Variants in C10orf90 observed in about 807,000 individuals in gnomAD.
The protein encoded by C10orf90 is chromosome 10 open reading frame 90, also known as (E2-independent) E3 ubiquitin-conjugating enzyme FATS.
C10orf90 carries 56 observed loss-of-function variants against 62.5 expected under a neutral mutation model. That is an observed-to-expected ratio of 0.90 (90% CI 0.72 to 1.12). C10orf90 has a LOEUF of 1.12. Ranked by LOEUF, C10orf90 falls within the 50% of genes most tolerant of loss-of-function variation. The pLI is 0.00. For synonymous variants in C10orf90, 386 were observed against 340.4 expected (o/e 1.13, Z -1.47); for missense variants, 970 against 880.4 (o/e 1.10, Z -1.29).
intron 2 of C10orf90, among the ~76,000 whole-genome samples, chr10:126,558,648 T>C (rs7916261): frequency 0.9 from 137,352 of 152,278 alleles, 62,075 homozygotes; most frequent in Middle Eastern, 0.94. Flanking sequence ...GTGGGGCTCC[T>C]TGCTCTGTGG....
chr10:126,490,013 T>TTA (rs1564827971), intron 4 of C10orf90, among the ~76,000 whole-genome samples: 2 of 74,322 alleles, frequency 2.7e-5, no homozygotes, highest in African/African-American at 1.2e-4. Context: ...ATTATATATA[T>TTA]TATATATAAT....
intron 1 of C10orf90, among the ~76,000 whole-genome samples, chr10:126,649,012 ATC>A (rs1297405536): frequency 7.8e-5 from 10 of 127,446 alleles, no homozygotes; most frequent in Admixed American, 8.3e-5. Context: ...CACAGATGAT[ATC>A]TCTCTCTCTC....
intron 2 of C10orf90, among the ~76,000 whole-genome samples, chr10:126,600,512 G>A (rs1483405691): frequency 2.0e-5 from 3 of 152,146 alleles, no homozygotes; most frequent in Non-Finnish European, 1.5e-5. Flanking sequence ...ATGCAAATGA[G>A]CAAAAGCCAA....
At chr10:126,493,808 A>G (rs183611657) in intron 4 of C10orf90, among the ~76,000 whole-genome samples, 39 of 152,364 alleles carry the variant, frequency 2.6e-4, no homozygotes, top group African/African-American at 8.9e-4. Context: ...GCCAACAGCC[A>G]TGGTAGGCTT....
chr10:126,658,477 A>G lies in C10orf90; in HGVS notation c.240+11764T>C, dbSNP rs146467451. Among the ~76,000 whole-genome samples, 98 of 152,348 alleles carry G rather than the reference A, an allele frequency of 6.4e-4. 1 individual carries two copies. Among genetic ancestry groups the G allele is most frequent in the African/African-American group, 2.3e-3 (96 of 41,582 alleles). ...CATTATTCTGGTTTGAATGAAATACATATATGCGTCTATAAGCTACAAAAA... is the reference window on the plus strand; with the variant it reads ...CATTATTCTGGTTTGAATGAAATACGTATATGCGTCTATAAGCTACAAAAA... On this transcript the variant is annotated intron_variant, in intron 1 of 9. Transcript: ENST00000488181.
At chr10:126,499,064 A>G (rs1203660972) in intron 4 of C10orf90, among the ~76,000 whole-genome samples, 2 of 152,238 alleles carry the variant, frequency 1.3e-5, no homozygotes, top group Non-Finnish European at 2.9e-5. Flanking sequence ...TAAATTACAG[A>G]CTGCAGGCCA....
intron 5 of C10orf90, among the ~76,000 whole-genome samples, chr10:126,463,705 C>CAA (rs1860130398): frequency 6.6e-6 from 1 of 152,232 alleles, no homozygotes; most frequent in Non-Finnish European, 1.5e-5. Context: ...AGTTCCTGCT[C>CAA]AAATCACTTC....
rs1341453063 is a variant in C10orf90, at chr10:126,609,467, A to G, written c.313+37098T>C. Among the ~76,000 whole-genome samples the G allele has an allele frequency of 2.0e-5, 3 of 152,232 alleles. No homozygotes were observed. The East Asian group carries it at 5.8e-4, about 29-fold the overall frequency. On this transcript the variant is annotated intron_variant, in intron 2 of 9. Coordinates refer to ENST00000488181, the MANE Select transcript of C10orf90 (RefSeq NM_001350921.2). ...CCTGGTCCCTAGTAAGCCCTCAATG[A>G]TGCTGGCTGTCACTGCTTTCTCAGT...
chr10:126,575,642 A>G (rs1213538044), intron 2 of C10orf90, among the ~76,000 whole-genome samples: 1 of 152,102 alleles, frequency 6.6e-6, no homozygotes, highest in African/African-American at 2.4e-5. Context: ...GGTCAAAAAG[A>G]ACAAGGCTGG....
intron 4 of C10orf90, among the ~76,000 whole-genome samples, chr10:126,485,957 A>T (rs1234549809): frequency 6.6e-6 from 1 of 151,908 alleles, no homozygotes; most frequent in Non-Finnish European, 1.5e-5. Flanking sequence ...AAGAAAAAAA[A>T]AAAACCTTAG....
intron 2 of C10orf90, among the ~76,000 whole-genome samples, chr10:126,578,231 C>T (rs1376162977): frequency 6.6e-6 from 1 of 152,072 alleles, no homozygotes; most frequent in Non-Finnish European, 1.5e-5. Context: ...ATTTATAGTA[C>T]ATATATCTAA....
intron 4 of C10orf90, chr10:126,502,695 A>AGTT (rs1862473973): frequency 2.5e-5 from 11 of 441,458 alleles, no homozygotes; most frequent in Non-Finnish European, 4.1e-5. Flanking sequence ...GGTAACATAC[A>AGTT]ACAATGCAGT....
At chr10:126,490,057 AT>A (rs372660577) in intron 4 of C10orf90, among the ~76,000 whole-genome samples, 1 of 83,270 alleles carries the variant, frequency 1.2e-5, no homozygotes, top group Non-Finnish European at 2.5e-5. Flanking sequence ...ATATTATGTT[AT>A]ATAATATATA....
At chr10:126,608,196 C>G (rs1845355301) in intron 2 of C10orf90, among the ~76,000 whole-genome samples, 1 of 152,140 alleles carries the variant, frequency 6.6e-6, no homozygotes, top group South Asian at 2.1e-4. Flanking sequence ...GCAGCCTGGA[C>G]CTCCTGGGCT....
intron 2 of C10orf90, among the ~76,000 whole-genome samples, chr10:126,618,672 C>A (rs1489532442): frequency 6.6e-6 from 1 of 151,800 alleles, no homozygotes; most frequent in Non-Finnish European, 1.5e-5. Context: ...GAAAAAAAAA[C>A]AAATCACAAA....
chr10:126,455,786 T>C (rs1429071514), intron 7 of C10orf90, among the ~76,000 whole-genome samples: 1 of 151,862 alleles, frequency 6.6e-6, no homozygotes, highest in Non-Finnish European at 1.5e-5. Flanking sequence ...AAACAAGGAG[T>C]CCTAACCCTA....
intron 7 of C10orf90, among the ~76,000 whole-genome samples, chr10:126,443,494 TA>T (rs1858533087): frequency 6.6e-6 from 1 of 151,916 alleles, no homozygotes; most frequent in Admixed American, 6.6e-5. Flanking sequence ...AACAGACCAA[TA>T]ACAAGCAGCA....
At chr10:126,580,784 CTA>C (rs555073761) in intron 2 of C10orf90, among the ~76,000 whole-genome samples, 252 of 151,820 alleles carry the variant, frequency 1.7e-3, no homozygotes, top group Non-Finnish European at 1.2e-3. Context: ...TAGTGTGTGT[CTA>C]TGTGTGGTGT....
chr10:126,583,766 C>T (rs1844801327), intron 2 of C10orf90, among the ~76,000 whole-genome samples: 1 of 152,182 alleles, frequency 6.6e-6, no homozygotes, highest in Admixed American at 6.5e-5. Context: ...TGTCCAGCTG[C>T]TCACATTCCC....
Sources: allele counts gnomAD v4.1 joint callset (sites outside exome capture counted in the v4.1 genomes callset), GRCh38; gene constraint gnomAD v4.1.1; transcripts MANE v1.5; gene names NCBI Gene and HGNC (gene_info 2026-07-23, HGNC 2026-07-21).